The following AGPAT2 variants were observed in gnomAD, a reference collection of about 807,000 sequenced individuals.
The protein encoded by AGPAT2 is 1-acylglycerol-3-phosphate O-acyltransferase 2, also known as 1-acyl-sn-glycerol-3-phosphate acyltransferase beta.
Under a neutral mutation model 26.1 loss-of-function variants are expected in AGPAT2, and 18 were observed. The ratio of observed to expected loss-of-function variants is 0.69; its 90% CI spans 0.48 to 1.02. The LOEUF (loss-of-function observed/expected upper bound fraction) is 1.02, where lower values mean the gene tolerates loss of function less well. Among genes scored for constraint, AGPAT2 ranks in the 50% least tolerant of loss-of-function variants. The pLI is 0.00. For synonymous variants in AGPAT2, 200 were observed against 174.2 expected (o/e 1.15, Z -1.16); for missense variants, 415 against 394.9 (o/e 1.05, Z -0.43).
chr9:136,675,262 T>C (rs552066787), intron 4 of AGPAT2, among the ~76,000 whole-genome samples: 31 of 151,666 alleles, frequency 2.0e-4, no homozygotes, highest in Admixed American at 1.4e-3. Context: ...GTCACCGGGG[T>C]CAAATCCAAG....
chr9:136,687,255 C>T lies in AGPAT2; in HGVS notation c.103G>A (p.Ala35Thr), dbSNP rs138811198. 62 of 1,594,562 alleles carry T rather than the reference C, an allele frequency of 3.9e-5. No individual in the cohort carries two copies. Among genetic ancestry groups the T allele is most frequent in the Non-Finnish European group, 1.4e-5 (16 of 1,174,306 alleles). Residue 35 changes from alanine to threonine, a missense_variant, in exon 1 of 6, where the codon GCG (alanine) becomes ACG (threonine). Ala to Thr is a moderately conservative substitution (Grantham distance 58, BLOSUM62 0). Coordinates refer to ENST00000371696, the MANE Select transcript of AGPAT2 (RefSeq NM_006412.4). ...EFYAKVALYCALCFTVSAVAS... is the reference protein window; with the variant it reads ...EFYAKVALYCTLCFTVSAVAS... The stretch of plus-strand genomic sequence containing the variant: ...ACGGCGGACACCGTGAAGCACAGCG[C>T]GCAGTACAGGGCGACCTTGGCGTAG...
Position 136,684,912 on chromosome 9 carries a change from C to G in AGPAT2, c.182+2264G>C, listed in dbSNP as rs751100850. 6.6e-5 allele frequency among the ~76,000 whole-genome samples: 10 copies of G among 152,200 alleles called. No homozygotes were observed. The South Asian group carries it at 1.0e-3, about 16-fold the overall frequency. On this transcript the variant is annotated intron_variant, in intron 1 of 5. Transcript: ENST00000371696. ...CTCCTTCCCTTCCAGCCCCCCGGGT[C>G]CCTTCCCTGGAGTGACAAAGCGCCT...
rs1846238230 is a variant in AGPAT2, at chr9:136,687,382, C to T, written c.-25G>A. 2 of 1,436,300 alleles carry T rather than the reference C, an allele frequency of 1.4e-6. No homozygotes were observed. Among genetic ancestry groups the T allele is most frequent in the Non-Finnish European group, 1.8e-6 (2 of 1,101,848 alleles). 89.0% of individuals were successfully genotyped at this position (1,436,300 alleles called of 1,614,324 possible). Reference sequence around the variant, plus strand: ...TGGCCCGGCCCGGCGCCCGACGGCGCCGCCAGCTCGCTCCCGCTCCCGCTC... The same window carrying T: ...TGGCCCGGCCCGGCGCCCGACGGCGTCGCCAGCTCGCTCCCGCTCCCGCTC... On this transcript the variant is annotated 5_prime_UTR_variant, in exon 1 of 6. Transcript: ENST00000371696.
intron 1 of AGPAT2, among the ~76,000 whole-genome samples, chr9:136,681,708 G>A (rs867001797): frequency 1.3e-4 from 20 of 152,214 alleles, no homozygotes; most frequent in Middle Eastern, 3.4e-3. Context: ...AGGCTGAGGC[G>A]GGAGAATCAC....
At chr9:136,683,076 G>C (rs1344083057) in intron 1 of AGPAT2, among the ~76,000 whole-genome samples, 3 of 139,794 alleles carry the variant, frequency 2.1e-5, no homozygotes, top group East Asian at 5.0e-4. Flanking sequence ...GTGGGGGGGA[G>C]GGGGGGAAGA....
chr9:136,676,944 C>G lies in AGPAT2; in HGVS notation c.492+17G>C, dbSNP rs752547368. The stretch of plus-strand genomic sequence containing the variant: ...GGCCCCACCCCAACCCCACCGAGCC[C>G]GGCCCTGCACACTCACGTTCTCCCT... On this transcript the variant is annotated intron_variant, in intron 3 of 5. Coordinates refer to ENST00000371696, the MANE Select transcript of AGPAT2 (RefSeq NM_006412.4). 4.3e-6 allele frequency: 7 copies of G among 1,611,870 alleles called. No homozygotes were observed. Among genetic ancestry groups the G allele is most frequent in the Non-Finnish European group, 5.9e-6 (7 of 1,179,590 alleles).
intron 1 of AGPAT2, among the ~76,000 whole-genome samples, chr9:136,679,204 C>A (rs149143513): frequency 1.8e-4 from 28 of 152,346 alleles, no homozygotes; most frequent in Non-Finnish European, 3.7e-4. Context: ...CTCTGGCTGA[C>A]GTCTGTTCCC....
Position 136,673,659 on chromosome 9 carries a change from G to A in AGPAT2, c.*93C>T. The A allele has an allele frequency of 7.5e-7, 1 of 1,338,068 alleles. No homozygotes were observed. The highest frequency in any genetic ancestry group is 1.5e-5 in the South Asian group (1 of 65,992). The allele number at this position is 1,338,068 out of a possible 1,614,324, so 82.9% of individuals were successfully genotyped here. A position where few individuals can be genotyped will look rare whatever the true frequency, so the allele number is the denominator to read the frequency against. The stretch of plus-strand genomic sequence containing the variant: ...GAGAGCTGGGGGAGCCGGACAGAGT[G>A]GTATTTGGAAGCCGGGAGGAGTCCC... On this transcript the variant is annotated 3_prime_UTR_variant, in exon 6 of 6. Coordinates refer to ENST00000371696, the MANE Select transcript of AGPAT2 (RefSeq NM_006412.4).
intron 1 of AGPAT2, among the ~76,000 whole-genome samples, chr9:136,679,457 T>C (rs895632209): frequency 2.6e-5 from 4 of 151,708 alleles, no homozygotes; most frequent in African/African-American, 4.8e-5. Context: ...ACTCTAGATA[T>C]CTCCTCTCCA....
intron 3 of AGPAT2, 52 bp downstream of exon 3, chr9:136,676,909 G>GGCCCCCCCC: frequency 6.8e-7 from 1 of 1,460,846 alleles, no homozygotes. Flanking sequence ...CCCCTGCCTG[G>GGCCCCCCCC]CCCCGCCCAG....
intron 1 of AGPAT2, among the ~76,000 whole-genome samples, chr9:136,682,808 A>G (rs1846177937): frequency 6.6e-6 from 1 of 152,104 alleles, no homozygotes; most frequent in Non-Finnish European, 1.5e-5. Flanking sequence ...TGGGGTCTGC[A>G]GGAACCCAGC....
At chr9:136,683,405 A>T (rs1337327074) in intron 1 of AGPAT2, among the ~76,000 whole-genome samples, 1 of 151,770 alleles carries the variant, frequency 6.6e-6, no homozygotes, top group Non-Finnish European at 1.5e-5. Context: ...GGGCTGGGAC[A>T]CTCCCAGGAG....
intron 1 of AGPAT2, among the ~76,000 whole-genome samples, chr9:136,682,428 A>C (rs1846172667): frequency 6.6e-6 from 1 of 152,214 alleles, no homozygotes. Context: ...TCCTTTCCTC[A>C]AAGCCTGGGG....
At position 136,687,241 on chromosome 9, in the gene AGPAT2, C is replaced by T. The variant is rs1846234413; in HGVS notation, c.117G>A (p.Thr39=). ...AGACGAGCGAGGCCACGGCGGACAC[C>T]GTGAAGCACAGCGCGCAGTACAGGG... The part of the protein sequence containing the change: ...KVALYCALCF[T]VSAVASLVCL... The change falls in exon 1 of 6, where the codon ACG becomes ACA. Residue 39 remains threonine, a synonymous_variant. Coordinates refer to ENST00000371696, the MANE Select transcript of AGPAT2 (RefSeq NM_006412.4). The T allele has an allele frequency of 1.3e-6, 2 of 1,594,784 alleles. No individual in the cohort carries two copies. Among genetic ancestry groups the T allele is most frequent in the Non-Finnish European group, 1.7e-6 (2 of 1,174,502 alleles).
At chr9:136,677,170 G>A in intron 2 of AGPAT2, 34 bp from the exon 3 acceptor site, 2 of 1,609,344 alleles carry the variant, frequency 1.2e-6, no homozygotes. Flanking sequence ...AGAGAGAGAG[G>A]GGGAGACAGC....
At chr9:136,677,265 C>A in intron 2 of AGPAT2, 129 bp from the exon 3 acceptor site, 1 of 1,493,330 alleles carries the variant, frequency 6.7e-7, no homozygotes. Context: ...GTCGTGTGGC[C>A]TCCGAGCCTC....
rs370950858 is a variant in AGPAT2 at position 136,673,875 on chromosome 9, C to G, written c.714G>C (p.Ala238=). 2.5e-6 allele frequency: 4 copies of G among 1,603,130 alleles called. No homozygotes were observed. In the Admixed American group the frequency reaches 6.8e-5, roughly 27 times the overall value. ...TGTCCACGAGCGCAGGGACGTCCGC[C>G]GCAGTGAGGCCGCTGGTGGGGATGG... ...LEAIPTSGLT[A]ADVPALVDTC... The change falls in exon 6 of 6, where the codon GCG becomes GCC. Residue 238 remains alanine, a synonymous_variant. Coordinates refer to ENST00000371696, the MANE Select transcript of AGPAT2 (RefSeq NM_006412.4).
At position 136,673,922 on chromosome 9, in the gene AGPAT2, CTG is replaced by C; in HGVS notation, c.665_666del (p.Thr222SerfsTer254). ...NTKKKFFTSGTVTVQVLEAIP... is the reference protein window; with the variant it reads ...NTKKKFFTSGXVTVQVLEAIP... ...ATGGCTTCCAGCACCTGCACTGTGACTGTTCCTGTGGGGGAAGCAACAGACCT... is the reference window on the plus strand; with the variant it reads ...ATGGCTTCCAGCACCTGCACTGTGACTTCCTGTGGGGGAAGCAACAGACCT... On this transcript the variant is annotated frameshift_variant, in exon 6 of 6. Transcript: ENST00000371696. LOFTEE classifies it low-confidence loss of function (END_TRUNC). The C allele has an allele frequency of 6.4e-7, 1 of 1,570,798 alleles. No individual in the cohort carries two copies. Among genetic ancestry groups the C allele is most frequent in the Non-Finnish European group, 8.6e-7 (1 of 1,157,022 alleles).
intron 1 of AGPAT2, among the ~76,000 whole-genome samples, chr9:136,680,923 C>T (rs1187801772): frequency 1.3e-5 from 2 of 152,128 alleles, no homozygotes; most frequent in Non-Finnish European, 2.9e-5. Context: ...CCTCGGCCTC[C>T]CAAAGTGCTG....
Sources: allele counts gnomAD v4.1 joint callset (sites outside exome capture counted in the v4.1 genomes callset), GRCh38; gene constraint gnomAD v4.1.1; transcripts MANE v1.5; gene names NCBI Gene and HGNC (gene_info 2026-07-23, HGNC 2026-07-21).